Variants in MAPRE2 observed in about 807,000 individuals in gnomAD.
The protein encoded by MAPRE2 is microtubule-associated protein RP/EB family member 2.
A neutral mutation model predicts 43.2 loss-of-function variants in MAPRE2; 13 were observed. The ratio of observed to expected loss-of-function variants is 0.30; its 90% CI spans 0.20 to 0.48. MAPRE2 has a LOEUF of 0.48. MAPRE2 is among the 20% of genes least tolerant of loss of function. The pLI is 0.99. For missense variants in MAPRE2, 161 were observed against 400.2 expected (o/e 0.40, Z 5.10); for synonymous variants, 135 against 148.8 (o/e 0.91, Z 0.68).
intron 6 of MAPRE2, among the ~76,000 whole-genome samples, chr18:35,133,636 A>T (rs547510102): frequency 6.6e-6 from 1 of 152,340 alleles, no homozygotes; most frequent in South Asian, 2.1e-4. Context: ...GTGCAGGATC[A>T]AATCTTCTTC....
chr18:34,992,199 G>A (rs2097024186), intron 1 of MAPRE2, among the ~76,000 whole-genome samples: 1 of 152,120 alleles, frequency 6.6e-6, no homozygotes, highest in Non-Finnish European at 1.5e-5. Flanking sequence ...AACAGCAAAA[G>A]TATTACAGAC....
chr18:34,984,896 ATATTT>A lies in MAPRE2; in HGVS notation c.-70+7821_-70+7825del, dbSNP rs1207809445. Among the ~76,000 whole-genome samples, 7 of 54,464 alleles carry A rather than the reference ATATTT, an allele frequency of 1.3e-4. 2 individuals carry two copies. The highest frequency in any genetic ancestry group is 4.5e-4 in the African/African-American group (7 of 15,658). The allele number at this position is 54,464 out of a possible 152,430, so 35.7% of individuals were successfully genotyped here. ...TATTTTATGTTATATAATATATAAT[ATATTT>A]TATGTTATATAATATATAATATATT... On this transcript the variant is annotated intron_variant, in intron 1 of 7. Transcript: ENST00000413393.
chr18:34,998,191 A>G (rs1161230016), intron 1 of MAPRE2, among the ~76,000 whole-genome samples: 1 of 152,180 alleles, frequency 6.6e-6, no homozygotes, highest in East Asian at 1.9e-4. Flanking sequence ...CCCAAGAGCA[A>G]GGCTGTTTGT....
At chr18:35,005,824 G>C (rs550847892) in intron 2 of MAPRE2, among the ~76,000 whole-genome samples, 1 of 152,140 alleles carries the variant, frequency 6.6e-6, no homozygotes, top group Non-Finnish European at 1.5e-5. Flanking sequence ...TCTTATGATA[G>C]GTGGGGAGGG....
intron 4 of MAPRE2, among the ~76,000 whole-genome samples, chr18:35,113,358 C>A (rs1482195825): frequency 2.0e-5 from 3 of 152,138 alleles, no homozygotes; most frequent in Non-Finnish European, 4.4e-5. Context: ...TCATTGCCAT[C>A]CTAATTTCTT....
upstream of MAPRE2, among the ~76,000 whole-genome samples, chr18:35,037,642 G>A (rs549691507): frequency 4.7e-5 from 7 of 149,070 alleles, no homozygotes; most frequent in South Asian, 8.5e-4. Context: ...ACAGTCATAC[G>A]TACAAACACA....
At chr18:35,069,389 T>TA (rs33947933) in intron 1 of MAPRE2, among the ~76,000 whole-genome samples, 16,691 of 151,762 alleles carry the variant, frequency 0.11, 2,310 homozygotes, top group African/African-American at 0.33. Context: ...CTGTTTTTTT[T>TA]AAAAATTATT....
intron 1 of MAPRE2, among the ~76,000 whole-genome samples, chr18:34,996,888 G>T (rs115022365): frequency 0.011 from 1,617 of 152,290 alleles, 25 homozygotes; most frequent in African/African-American, 0.037. Context: ...CATGAGAAAA[G>T]CCTGTGATTT....
intron 5 of MAPRE2, among the ~76,000 whole-genome samples, chr18:35,131,698 G>A (rs1910153754): frequency 1.3e-5 from 2 of 152,278 alleles, no homozygotes; most frequent in South Asian, 4.1e-4. Flanking sequence ...ATAGTAAGAA[G>A]TTAGAGGAAA....
At chr18:35,037,197 GA>G (rs2097051020), upstream of MAPRE2, among the ~76,000 whole-genome samples, 1 of 151,862 alleles carries the variant, frequency 6.6e-6, no homozygotes, top group South Asian at 2.1e-4. Flanking sequence ...AGTATACAAG[GA>G]AGCCAGTTTT....
intron 5 of MAPRE2, among the ~76,000 whole-genome samples, chr18:35,129,923 C>T (rs1910071559): frequency 1.3e-5 from 2 of 152,200 alleles, no homozygotes; most frequent in African/African-American, 4.8e-5. Context: ...ATTTTGCTTG[C>T]CAATTGATCT....
At chr18:35,000,922 A>T (rs2097028980) in intron 1 of MAPRE2, among the ~76,000 whole-genome samples, 1 of 152,184 alleles carries the variant, frequency 6.6e-6, no homozygotes, top group African/African-American at 2.4e-5. Flanking sequence ...TCATCCATAA[A>T]ATAGTACCAC....
intron 4 of MAPRE2, among the ~76,000 whole-genome samples, chr18:35,123,217 C>T (rs1909767092): frequency 6.6e-6 from 1 of 152,046 alleles, no homozygotes; most frequent in Admixed American, 6.5e-5. Context: ...TTTTCAAGCT[C>T]TGTTTGATAA....
chr18:35,141,148 G>A lies in MAPRE2; in HGVS notation c.*779G>A, dbSNP rs1273002834. ...CAGGTTATGCTCTTTTCTTTCTCAG[G>A]GTCCTCTTTGGTGGGCAGCCACTCC... On this transcript the variant is annotated 3_prime_UTR_variant, in exon 7 of 7. Coordinates refer to ENST00000300249, the MANE Select transcript of MAPRE2 (RefSeq NM_014268.4). 1 of 152,212 alleles carries A rather than the reference G, an allele frequency of 6.6e-6. No homozygotes were observed. Among genetic ancestry groups the A allele is most frequent in the East Asian group, 1.9e-4 (1 of 5,182 alleles). 9.4% of individuals were successfully genotyped at this position (152,212 alleles called of 1,614,324 possible).
intron 1 of MAPRE2, among the ~76,000 whole-genome samples, chr18:34,980,031 C>CTTTTTTTTTTTTTTTTTTTTTTTT (rs796434537): frequency 1.7e-4 from 8 of 46,146 alleles, no homozygotes; most frequent in Admixed American, 2.9e-4. Flanking sequence ...TTCTTTTTTT[C>CTTTTTTTTTTTTTTTTTTTTTTTT]TTTTTTTTTT....
intron 4 of MAPRE2, among the ~76,000 whole-genome samples, chr18:35,103,351 A>G (rs1908764043): frequency 6.6e-6 from 1 of 151,492 alleles, no homozygotes; most frequent in Admixed American, 6.6e-5. Flanking sequence ...GATAAAAGAG[A>G]AGGAGATGTT....
At chr18:35,120,292 C>T (rs1320549793) in intron 4 of MAPRE2, among the ~76,000 whole-genome samples, 1 of 152,226 alleles carries the variant, frequency 6.6e-6, no homozygotes, top group African/African-American at 2.4e-5. Context: ...ACTGCCCACT[C>T]TTAAGAGCCT....
At chr18:35,000,088 T>A (rs909987960) in intron 1 of MAPRE2, among the ~76,000 whole-genome samples, 2 of 152,082 alleles carry the variant, frequency 1.3e-5, no homozygotes, top group African/African-American at 4.8e-5. Context: ...CACTAAAGAA[T>A]GTGATCTACA....
At chr18:35,134,938 CAG>C (rs944481841) in intron 6 of MAPRE2, among the ~76,000 whole-genome samples, 1 of 152,098 alleles carries the variant, frequency 6.6e-6, no homozygotes, top group African/African-American at 2.4e-5. Flanking sequence ...GGGAAAGAGA[CAG>C]AGGCATTGCC....
Sources: allele counts gnomAD v4.1 joint callset (sites outside exome capture counted in the v4.1 genomes callset), GRCh38; gene constraint gnomAD v4.1.1; transcripts MANE v1.5; gene names NCBI Gene and HGNC (gene_info 2026-07-23, HGNC 2026-07-21).